The following GABRG3 variants were observed in gnomAD, a reference collection of about 807,000 sequenced individuals.
The protein encoded by GABRG3 is gamma-aminobutyric acid receptor subunit gamma-3.
GABRG3 carries 25 observed loss-of-function variants against 48.8 expected under a neutral mutation model. That is an observed-to-expected ratio of 0.51 (90% confidence interval 0.37 to 0.72). The LOEUF is 0.72. Among genes scored for constraint, GABRG3 ranks in the 30% least tolerant of loss-of-function variants. GABRG3 has a pLI of 0.00. For missense variants in GABRG3, 394 were observed against 577.9 expected, an observed-to-expected ratio of 0.68 and a Z score of 3.26; for synonymous variants, 227 against 217.6, an observed-to-expected ratio of 1.04 and a Z score of -0.38.
intron 3 of GABRG3, among the ~76,000 whole-genome samples, chr15:27,111,784 C>T (rs1398751338): frequency 2.0e-5 from 3 of 152,146 alleles, no homozygotes; most frequent in African/African-American, 7.2e-5. Flanking sequence ...AGCAGGTCTG[C>T]ATCTCAGGGC....
At chr15:26,998,261 TTTG>T (rs141843083) in intron 2 of GABRG3, among the ~76,000 whole-genome samples, 1,602 of 152,358 alleles carry the variant, frequency 0.011, 28 homozygotes, top group African/African-American at 0.036. Context: ...CATCAAGAGC[TTTG>T]TTGTTTTCAA....
intron 3 of GABRG3, among the ~76,000 whole-genome samples, chr15:27,274,729 C>A (rs1034399177): frequency 1.3e-5 from 2 of 152,182 alleles, no homozygotes; most frequent in African/African-American, 4.8e-5. Flanking sequence ...GATTTACCAT[C>A]CTTCCTACTT....
intron 3 of GABRG3, among the ~76,000 whole-genome samples, chr15:27,217,634 G>GT (rs1463985433): frequency 6.6e-6 from 1 of 152,194 alleles, no homozygotes; most frequent in African/African-American, 2.4e-5. Context: ...CTTACTCCAT[G>GT]TAGTGCTTTG....
chr15:27,405,543 T>A (rs549168614), intron 5 of GABRG3, among the ~76,000 whole-genome samples: 1 of 152,326 alleles, frequency 6.6e-6, no homozygotes, highest in East Asian at 1.9e-4. Context: ...CAAACAATTC[T>A]ACTTTTAGAC....
intron 5 of GABRG3, among the ~76,000 whole-genome samples, chr15:27,385,467 C>T (rs536656624): frequency 2.0e-5 from 3 of 151,956 alleles, no homozygotes; most frequent in Admixed American, 6.6e-5. Context: ...TTCTCTCCTT[C>T]GCGTCTCTCC....
chr15:27,097,375 G>A (rs1897282792), intron 3 of GABRG3, among the ~76,000 whole-genome samples: 1 of 152,150 alleles, frequency 6.6e-6, no homozygotes, highest in African/African-American at 2.4e-5. Flanking sequence ...GGAAGAAAGA[G>A]TATCTTCCCT....
chr15:27,120,584 T>G (rs1300992369), intron 3 of GABRG3, among the ~76,000 whole-genome samples: 2 of 138,698 alleles, frequency 1.4e-5, no homozygotes, highest in African/African-American at 5.0e-5. Flanking sequence ...TGATAAAAAG[T>G]AATAAGCAAT....
intron 3 of GABRG3, among the ~76,000 whole-genome samples, chr15:27,121,391 G>T (rs1444075186): frequency 6.6e-6 from 1 of 152,172 alleles, no homozygotes; most frequent in Non-Finnish European, 1.5e-5. Flanking sequence ...TTAAAGAGGG[G>T]CTCAACTTCC....
chr15:27,342,858 C>A (rs1270956272), intron 5 of GABRG3, among the ~76,000 whole-genome samples: 2 of 152,210 alleles, frequency 1.3e-5, no homozygotes, highest in African/African-American at 2.4e-5. Context: ...CCTGCTCCTG[C>A]CTCCTAGTCT....
At chr15:27,420,807 G>A (rs1888090192) in intron 5 of GABRG3, 1 of 152,084 alleles carries the variant, frequency 6.6e-6, no homozygotes, top group South Asian at 2.1e-4. Context: ...AAAACTATGT[G>A]GCAAAGAAAA....
intron 5 of GABRG3, among the ~76,000 whole-genome samples, chr15:27,336,025 TAACA>T (rs1336803031): frequency 5.3e-5 from 8 of 151,966 alleles, no homozygotes; most frequent in South Asian, 2.1e-4. Flanking sequence ...CCATTTCTAC[TAACA>T]AACAAACAAA....
chr15:27,222,742 C>A (rs960768129), intron 3 of GABRG3, among the ~76,000 whole-genome samples: 1 of 152,180 alleles, frequency 6.6e-6, no homozygotes, highest in Non-Finnish European at 1.5e-5. Context: ...CATTACAAAC[C>A]AGATATCATG....
chr15:27,287,221 T>C (rs1465244737), intron 3 of GABRG3, among the ~76,000 whole-genome samples: 1 of 152,118 alleles, frequency 6.6e-6, no homozygotes, highest in East Asian at 1.9e-4. Context: ...ATGGGAAGAA[T>C]TATTATTCAG....
At chr15:27,380,842 T>C (rs956015192) in intron 5 of GABRG3, among the ~76,000 whole-genome samples, 1 of 148,468 alleles carries the variant, frequency 6.7e-6, no homozygotes, top group Admixed American at 6.8e-5. Flanking sequence ...CTCGGCTCAC[T>C]GCAAGCTCTG....
At chr15:27,388,229 GGGA>G (rs1490754679) in intron 5 of GABRG3, among the ~76,000 whole-genome samples, 4 of 44,298 alleles carry the variant, frequency 9.0e-5, no homozygotes, top group Non-Finnish European at 1.8e-4. Context: ...AGGAAGGAAA[GGGA>G]GGAGGGAGGG....
Position 27,416,328 on chromosome 15 carries a change from G to A in GABRG3, c.575-64322G>A, listed in dbSNP as rs752472949. 1.7e-3 allele frequency among the ~76,000 whole-genome samples: 257 copies of A among 152,182 alleles called. 4 individuals are homozygous for A. Among genetic ancestry groups the A allele is most frequent in the Admixed American group, 1.6e-3 (25 of 15,280 alleles). The stretch of plus-strand genomic sequence containing the variant: ...CTGTGCCACTTGACTGAATTTCCCC[G>A]CTTAGGTGGGATGCATGGCCTTTGG... On this transcript the variant is annotated intron_variant, in intron 5 of 9. Coordinates refer to ENST00000615808, the MANE Select transcript of GABRG3 (RefSeq NM_033223.5).
chr15:27,205,405 A>G (rs1378410976), intron 3 of GABRG3, among the ~76,000 whole-genome samples: 1 of 152,048 alleles, frequency 6.6e-6, no homozygotes, highest in Non-Finnish European at 1.5e-5. Flanking sequence ...GGAATAAAGC[A>G]TACTTGATTG....
chr15:27,010,405 A>G (rs1895663487), intron 2 of GABRG3, among the ~76,000 whole-genome samples: 1 of 152,230 alleles, frequency 6.6e-6, no homozygotes, highest in Non-Finnish European at 1.5e-5. Context: ...CTAGAAATGC[A>G]GTAACTTGCT....
At chr15:27,075,622 C>A (rs1896897458) in intron 3 of GABRG3, among the ~76,000 whole-genome samples, 1 of 152,116 alleles carries the variant, frequency 6.6e-6, no homozygotes, top group South Asian at 2.1e-4. Flanking sequence ...AATCCAAAAC[C>A]CAGAAAGCAA....
Sources: allele counts gnomAD v4.1 joint callset (sites outside exome capture counted in the v4.1 genomes callset), GRCh38; gene constraint gnomAD v4.1.1; transcripts MANE v1.5; gene names NCBI Gene and HGNC (gene_info 2026-07-23, HGNC 2026-07-21).